PCDHGB7: variants seen among roughly 807,000 people sequenced by gnomAD.
PCDHGB7 encodes protocadherin gamma subfamily B, 7.
A neutral mutation model predicts 61.4 loss-of-function variants in PCDHGB7; 37 were observed. That is an observed-to-expected ratio of 0.60 (90% CI 0.46 to 0.79). The LOEUF is 0.79. Ranked by LOEUF, PCDHGB7 falls within the 30% of genes least tolerant of loss-of-function variation. The pLI is 0.00. For synonymous variants in PCDHGB7, 464 were observed against 503.5 expected, an observed-to-expected ratio of 0.92 and a Z score of 1.05; for missense variants, 1,166 against 1,202.5, an observed-to-expected ratio of 0.97 and a Z score of 0.45.
intron 2 of PCDHGB7, among the ~76,000 whole-genome samples, chr5:141,502,866 C>CTTTTTTCTT (rs2099816532): frequency 7.8e-6 from 1 of 128,046 alleles, no homozygotes; most frequent in African/African-American, 3.1e-5. Context: ...GACTCTCTGT[C>CTTTTTTCTT]TTTTTTTTTT....
At chr5:141,501,290 TACACACACACACACACACACACACAC>T (rs55762287) in intron 2 of PCDHGB7, among the ~76,000 whole-genome samples, 1 of 136,164 alleles carries the variant, frequency 7.3e-6, no homozygotes, top group Non-Finnish European at 1.6e-5. Flanking sequence ...TATTCCCTTA[TACACACACACACACACACACACACAC>T]ACACACACAC....
At chr5:141,430,484 C>T (rs894612928) in intron 1 of PCDHGB7, 2 of 256,238 alleles carry the variant, frequency 7.8e-6, no homozygotes, top group African/African-American at 4.4e-5. Context: ...GATATAAAAA[C>T]GAAATATCCT....
intron 1 of PCDHGB7, 72 bp from the exon 2 acceptor site, chr5:141,494,735 A>C: frequency 6.2e-7 from 1 of 1,610,712 alleles, no homozygotes; most frequent in Middle Eastern, 1.7e-4. Context: ...CTCCCGGCCC[A>C]TCCCTAGGGG....
At chr5:141,464,096 C>T (rs2099075769) in intron 1 of PCDHGB7, among the ~76,000 whole-genome samples, 1 of 152,016 alleles carries the variant, frequency 6.6e-6, no homozygotes, top group African/African-American at 2.4e-5. Context: ...GAAACTCCGT[C>T]TCTACTAAAA....
chr5:141,483,303 T>A (rs1222660132), intron 1 of PCDHGB7, among the ~76,000 whole-genome samples: 1 of 152,146 alleles, frequency 6.6e-6, no homozygotes, highest in Non-Finnish European at 1.5e-5. Context: ...GTGAAGGGAC[T>A]GGGGACATTG....
chr5:141,472,579 G>T (rs1172183592), intron 1 of PCDHGB7, among the ~76,000 whole-genome samples: 3 of 151,928 alleles, frequency 2.0e-5, no homozygotes, highest in Non-Finnish European at 4.4e-5. Context: ...GCATCTCATT[G>T]GTCAGAAGCT....
intron 1 of PCDHGB7, chr5:141,441,728 G>T: frequency 2.8e-6 from 1 of 361,966 alleles, no homozygotes. Flanking sequence ...CCCGCGACCA[G>T]GACTAGCTCG....
intron 1 of PCDHGB7, among the ~76,000 whole-genome samples, chr5:141,488,563 C>T (rs1352750895): frequency 1.3e-5 from 2 of 152,134 alleles, no homozygotes; most frequent in Admixed American, 6.6e-5. Flanking sequence ...TTGAGATTTC[C>T]GCAAAGCATT....
chr5:141,505,284 G>A, intron 2 of PCDHGB7, 109 bp from the exon 3 acceptor site: 1 of 1,548,402 alleles, frequency 6.5e-7, no homozygotes. Flanking sequence ...CAGGTCTTGG[G>A]CATGGGGTAG....
chr5:141,424,365 T>A (rs933291305), intron 1 of PCDHGB7: 7 of 152,246 alleles, frequency 4.6e-5, no homozygotes, highest in African/African-American at 1.7e-4. Context: ...TAGATCACAT[T>A]TTTTCTTAAG....
At chr5:141,444,880 G>C (rs527554886) in intron 1 of PCDHGB7, among the ~76,000 whole-genome samples, 5 of 152,268 alleles carry the variant, frequency 3.3e-5, no homozygotes, top group Admixed American at 1.3e-4. Flanking sequence ...AAGCTTGTAG[G>C]ATTTTTGAAT....
chr5:141,459,976 G>A (rs1013971472), intron 1 of PCDHGB7, among the ~76,000 whole-genome samples: 1 of 152,202 alleles, frequency 6.6e-6, no homozygotes, highest in Non-Finnish European at 1.5e-5. Flanking sequence ...TACTCAGGAG[G>A]CTGAGACAGG....
rs1254680765 is a variant in PCDHGB7 at position 141,491,399 on chromosome 5, A to G, written c.2416-3408A>G. ...CTGTCAGCGAAGTGCCTTCAGGGAA[A>G]CGCAGACGGGGACGGGGGTGGAGGG... On this transcript the variant is annotated intron_variant, in intron 1 of 3. Transcript: ENST00000398594. This position sits in a 1 kb window ranked among gnomAD's most constrained non-coding sequence, Gnocchi z 6.9. 3 of 1,613,998 alleles carry G rather than the reference A, an allele frequency of 1.9e-6. No homozygotes were observed. Among genetic ancestry groups the G allele is most frequent in the Non-Finnish European group, 2.5e-6 (3 of 1,180,028 alleles).
chr5:141,438,597 T>C (rs1343540280), intron 1 of PCDHGB7, among the ~76,000 whole-genome samples: 20 of 38,918 alleles, frequency 5.1e-4, no homozygotes, highest in African/African-American at 1.6e-3. Flanking sequence ...CATACATATA[T>C]ATATATATAT....
chr5:141,464,273 A>G (rs1330533734), intron 1 of PCDHGB7, among the ~76,000 whole-genome samples: 1 of 136,736 alleles, frequency 7.3e-6, no homozygotes, highest in African/African-American at 3.0e-5. Context: ...TAAAAAAAAA[A>G]AAAAGCAAAA....
At chr5:141,452,227 T>C (rs2098736376) in intron 1 of PCDHGB7, among the ~76,000 whole-genome samples, 1 of 152,232 alleles carries the variant, frequency 6.6e-6, no homozygotes, top group African/African-American at 2.4e-5. Context: ...CTCTTCAAGC[T>C]GGTTCTTGTG....
intron 1 of PCDHGB7, chr5:141,426,347 T>C (rs977411941): frequency 5.2e-6 from 1 of 193,980 alleles, no homozygotes; most frequent in African/African-American, 2.3e-5. Context: ...TTCCCTTTCC[T>C]GCTGCCTTTG....
chr5:141,433,651 C>T (rs905489069), intron 1 of PCDHGB7, among the ~76,000 whole-genome samples: 3 of 152,064 alleles, frequency 2.0e-5, no homozygotes, highest in Non-Finnish European at 2.9e-5. Context: ...GCCTGACCAA[C>T]ATGGAGAAAC....
rs2099450974 is a variant in PCDHGB7 at position 141,478,361 on chromosome 5, G to A, written c.2416-16446G>A. 6 of 1,613,776 alleles carry A rather than the reference G, an allele frequency of 3.7e-6. No individual in the cohort carries two copies. The East Asian group carries it at 1.3e-4, about 36-fold the overall frequency. ...CTCCTTGCACGCGGACGCCGTGCGGGGAGGCCTGATGTCGCCGCACCTTTA... is the reference window on the plus strand; with the variant it reads ...CTCCTTGCACGCGGACGCCGTGCGGAGAGGCCTGATGTCGCCGCACCTTTA... On this transcript the variant is annotated intron_variant, in intron 1 of 3. Coordinates refer to ENST00000398594, the MANE Select transcript of PCDHGB7 (RefSeq NM_018927.4).
Sources: allele counts gnomAD v4.1 joint callset (sites outside exome capture counted in the v4.1 genomes callset), GRCh38; gene constraint gnomAD v4.1.1; non-coding constraint Gnocchi (gnomAD v3.1); transcripts MANE v1.5; gene names NCBI Gene and HGNC (gene_info 2026-07-23, HGNC 2026-07-21).